GOLGA1: variants seen among roughly 807,000 people sequenced by gnomAD.
GOLGA1 encodes the protein golgin subfamily A member 1.
In GOLGA1, 63 loss-of-function variants were observed where a neutral mutation model predicts 119.7. That is an observed-to-expected ratio of 0.53 (90% CI 0.43 to 0.65). The LOEUF is 0.65. Among genes scored for constraint, GOLGA1 ranks in the 30% least tolerant of loss-of-function variants. The probability of loss-of-function intolerance (pLI) is 0.00; values close to 1 mark genes in which losing one functional copy is unlikely to be tolerated. For synonymous variants in GOLGA1, 318 were observed against 333.4 expected (o/e 0.95, Z 0.50); for missense variants, 798 against 912.8 (o/e 0.87, Z 1.62).
intron 1 of GOLGA1, chr9:124,947,578 A>G (rs1390723571): frequency 6.6e-6 from 1 of 152,162 alleles, no homozygotes; most frequent in African/African-American, 2.4e-5. Flanking sequence ...TCAGCCCACA[A>G]TGGGTATGGG....
intron 4 of GOLGA1, among the ~76,000 whole-genome samples, chr9:124,929,770 T>G (rs1830740689): frequency 6.6e-6 from 1 of 152,132 alleles, no homozygotes; most frequent in Admixed American, 6.5e-5. Flanking sequence ...TGATAGCACT[T>G]AATTCTCTAA....
At chr9:124,935,609 C>A (rs1830848171) in intron 3 of GOLGA1, among the ~76,000 whole-genome samples, 1 of 151,878 alleles carries the variant, frequency 6.6e-6, no homozygotes, top group Non-Finnish European at 1.5e-5. Flanking sequence ...CCAGACTGGG[C>A]ACACGGTGAA....
At chr9:124,884,972 G>A (rs1311023501) in intron 19 of GOLGA1, among the ~76,000 whole-genome samples, 2 of 152,108 alleles carry the variant, frequency 1.3e-5, no homozygotes, top group South Asian at 2.1e-4. Flanking sequence ...CAAGGCAGGC[G>A]GATCACAAGG....
At chr9:124,912,688 G>A (rs905286062) in intron 10 of GOLGA1, among the ~76,000 whole-genome samples, 3 of 152,020 alleles carry the variant, frequency 2.0e-5, no homozygotes, top group Admixed American at 1.3e-4. Context: ...GACTACAGGC[G>A]CCCACCACCA....
chr9:124,881,569 C>T lies in GOLGA1; in HGVS notation c.2136+215G>A, dbSNP rs954395450. On this transcript the variant is annotated intron_variant, in intron 21 of 22. Coordinates refer to ENST00000373555, the MANE Select transcript of GOLGA1 (RefSeq NM_002077.4). This position sits in a 1 kb window ranked among gnomAD's most constrained non-coding sequence, Gnocchi z 4.9. ...CCAGGCCAGGATTTAGAAGTGGAGC[C>T]TATGTCTCCCACCAGGAGCCAGTTC... Among the ~76,000 whole-genome samples the T allele has an allele frequency of 1.1e-4, 16 of 152,184 alleles. No homozygotes were observed. Among genetic ancestry groups the T allele is most frequent in the African/African-American group, 3.9e-4 (16 of 41,446 alleles).
intron 15 of GOLGA1, among the ~76,000 whole-genome samples, chr9:124,894,358 G>A (rs1311177500): frequency 6.6e-6 from 1 of 151,184 alleles, no homozygotes; most frequent in African/African-American, 2.4e-5. Flanking sequence ...TATGCTGATT[G>A]ATGGTTTCCT....
rs1485179036 is a variant in GOLGA1, at chr9:124,881,314, G to A, written c.2137-57C>T. ...CTTGGTGAAGGTGAGGCGGGGTGGGGTCGGGGGAGCTACGTGGCATTTCCT... is the reference window on the plus strand; with the variant it reads ...CTTGGTGAAGGTGAGGCGGGGTGGGATCGGGGGAGCTACGTGGCATTTCCT... On this transcript the variant is annotated intron_variant, in intron 21 of 22. Transcript: ENST00000373555. The surrounding 1 kb of genome is among the most constrained non-coding windows in gnomAD (Gnocchi z 4.9). 3 of 973,242 alleles carry A rather than the reference G, an allele frequency of 3.1e-6. No individual in the cohort carries two copies. The highest frequency in any genetic ancestry group is 5.0e-6 in the Non-Finnish European group (3 of 594,392). 60.3% of individuals were successfully genotyped at this position (973,242 alleles called of 1,614,324 possible).
chr9:124,939,471 A>C (rs1830951064), intron 2 of GOLGA1, among the ~76,000 whole-genome samples: 1 of 151,382 alleles, frequency 6.6e-6, no homozygotes, highest in Non-Finnish European at 1.5e-5. Context: ...AGTATCTGAT[A>C]TCCTTGAACA....
At chr9:124,941,542 G>T (rs1368360306), upstream of GOLGA1, among the ~76,000 whole-genome samples, 1 of 152,224 alleles carries the variant, frequency 6.6e-6, no homozygotes, top group Admixed American at 6.5e-5. Context: ...TGCGCCTCCA[G>T]CTTCACTCAC....
In GOLGA1 at chr9:124,879,585, A is replaced by G. The variant is rs1829526114; in HGVS notation, c.*945T>C. 1 of 151,396 alleles carries G rather than the reference A, an allele frequency of 6.6e-6. No individual in the cohort carries two copies. The highest frequency in any genetic ancestry group is 1.5e-5 in the Non-Finnish European group (1 of 67,890). 9.4% of individuals were successfully genotyped at this position (151,396 alleles called of 1,614,324 possible). ...GGTCTGCATCGCCCAGCGGCAGCGC[A>G]GCACAGAATCAAGACAAAGCACACG... On this transcript the variant is annotated 3_prime_UTR_variant, in exon 23 of 23. Coordinates refer to ENST00000373555, the MANE Select transcript of GOLGA1 (RefSeq NM_002077.4).
intron 11 of GOLGA1, among the ~76,000 whole-genome samples, chr9:124,911,013 G>A (rs2131450542): frequency 6.6e-6 from 1 of 152,294 alleles, no homozygotes; most frequent in Admixed American, 6.5e-5. Context: ...ATGCAAGCAT[G>A]GACATTCTGA....
chr9:124,921,737 C>A lies in GOLGA1; in HGVS notation c.717G>T (p.Thr239=). ...KLEELQRHYS[T]LEEQRDHVIA... ...CAAGCAAGAACCTCTGCTCTTCCAG[C>A]GTTGAGTAGTGTCTCTGCAATTCTT... Residue 239 remains threonine, a synonymous_variant, in exon 9 of 23, where the codon ACG becomes ACT. Coordinates refer to ENST00000373555, the MANE Select transcript of GOLGA1 (RefSeq NM_002077.4). The A allele has an allele frequency of 1.2e-6, 2 of 1,613,470 alleles. No individual in the cohort carries two copies. The highest frequency in any genetic ancestry group is 1.7e-4 in the Middle Eastern group (1 of 6,060).
At chr9:124,886,096 G>A (rs1219039588) in intron 19 of GOLGA1, among the ~76,000 whole-genome samples, 1 of 152,246 alleles carries the variant, frequency 6.6e-6, no homozygotes, top group Non-Finnish European at 1.5e-5. Context: ...GGCAGCCAGG[G>A]AACACAGTGA....
chr9:124,935,326 T>C (rs1191258219), intron 3 of GOLGA1, among the ~76,000 whole-genome samples: 1 of 152,220 alleles, frequency 6.6e-6, no homozygotes, highest in East Asian at 1.9e-4. Flanking sequence ...TTATACAATA[T>C]TTTAAATGAT....
intron 11 of GOLGA1, among the ~76,000 whole-genome samples, chr9:124,909,538 A>G (rs181936287): frequency 1.3e-5 from 2 of 150,740 alleles, no homozygotes; most frequent in African/African-American, 4.9e-5. Context: ...AACCCCGGGA[A>G]GCAGAGGTTG....
intron 15 of GOLGA1, among the ~76,000 whole-genome samples, chr9:124,893,161 T>A (rs934804185): frequency 6.6e-6 from 1 of 152,124 alleles, no homozygotes; most frequent in African/African-American, 2.4e-5. Flanking sequence ...CTTGATGAAC[T>A]GTGATGAAAC....
intron 7 of GOLGA1, 140 bp from the exon 8 acceptor site, chr9:124,923,363 C>A: frequency 1.5e-6 from 1 of 645,508 alleles, no homozygotes; most frequent in East Asian, 2.8e-5. Flanking sequence ...CCTTGAACTC[C>A]TGGGCTCATG....
At chr9:124,942,820 A>C (rs1831079819), upstream of GOLGA1, 1 of 152,218 alleles carries the variant, frequency 6.6e-6, no homozygotes. Context: ...ACAACGTTTC[A>C]GTTTTCATCC....
Position 124,888,468 on chromosome 9 carries a change from G to GTCTAGCTCCCCTTCCCTGT in GOLGA1, c.1762-73_1762-72insACAGGGAAGGGGAGCTAGA. 2 of 1,414,174 alleles carry GTCTAGCTCCCCTTCCCTGT rather than the reference G, an allele frequency of 1.4e-6. No homozygotes were observed. The highest frequency in any genetic ancestry group is 2.0e-6 in the Non-Finnish European group (2 of 1,003,204). 87.6% of individuals were successfully genotyped at this position (1,414,174 alleles called of 1,614,324 possible). ...AGCTGAGCCACAGGTACACAGGGAA[G>GTCTAGCTCCCCTTCCCTGT]GGGAGCTAGACTCGTCCCTTAGGTA... is the stretch of plus-strand genomic sequence containing the variant. On this transcript the variant is annotated intron_variant, in intron 18 of 22. Transcript: ENST00000373555. This position sits in a 1 kb window ranked among gnomAD's most constrained non-coding sequence, Gnocchi z 4.4.
Sources: allele counts gnomAD v4.1 joint callset (sites outside exome capture counted in the v4.1 genomes callset), GRCh38; gene constraint gnomAD v4.1.1; non-coding constraint Gnocchi (gnomAD v3.1); transcripts MANE v1.5; gene names NCBI Gene and HGNC (gene_info 2026-07-23, HGNC 2026-07-21).